Variants in BEND2 observed in about 807,000 individuals in gnomAD.
The protein encoded by BEND2 is BEN domain containing 2, also known as BEN domain-containing protein 2.
A neutral mutation model predicts 43.8 loss-of-function variants in BEND2; 19 were observed. The ratio of observed to expected loss-of-function variants is 0.43; its 90% confidence interval spans 0.30 to 0.64. BEND2 has a LOEUF of 0.64. Ranked by LOEUF, BEND2 falls within the 30% of genes least tolerant of loss-of-function variation. BEND2 has a pLI of 0.11. For missense variants in BEND2, 544 were observed against 574.0 expected, an observed-to-expected ratio of 0.95 and a Z score of 0.53; for synonymous variants, 226 against 210.1, an observed-to-expected ratio of 1.08 and a Z score of -0.66.
At chrX:18,178,509 T>A (rs1041187407) in intron 9 of BEND2, among the ~76,000 whole-genome samples, 1 of 112,185 alleles carries the variant, frequency 8.9e-6, no homozygotes, top group Non-Finnish European at 1.9e-5. Flanking sequence ...TTTTTCCTAT[T>A]TATTTTTTTA....
chrX:18,209,678 G>C (rs1218525786), intron 4 of BEND2, among the ~76,000 whole-genome samples: 2 of 111,040 alleles, frequency 1.8e-5, no homozygotes, highest in Non-Finnish European at 3.8e-5. Flanking sequence ...GTCATCAATA[G>C]TGTCAAAGTC....
In BEND2 at chrX:18,178,794, G is replaced by A. The variant is rs190045850; in HGVS notation, c.1430-1025C>T. Among the ~76,000 whole-genome samples, 91 of 111,214 alleles carry A rather than the reference G, an allele frequency of 8.2e-4. 1 individual carries two copies. In the East Asian group the frequency reaches 0.02, roughly 24 times the overall value. On this transcript the variant is annotated intron_variant, in intron 9 of 13. Coordinates refer to ENST00000380033, the MANE Select transcript of BEND2 (RefSeq NM_153346.5). The stretch of plus-strand genomic sequence containing the variant: ...ACTGAATAAACTAGTATTTAGGTTA[G>A]GAAAGTGGCTGAAGGTCATAAGGTT...
chrX:18,201,414 A>C (rs1378094155), intron 6 of BEND2, among the ~76,000 whole-genome samples: 6 of 96,124 alleles, frequency 6.2e-5, no homozygotes, highest in South Asian at 4.5e-4. Flanking sequence ...AAAAAAAAAA[A>C]AAACAAAAAA....
At chrX:18,204,022 G>A in intron 4 of BEND2, 107 bp from the exon 5 acceptor site, 1 of 765,177 alleles carries the variant, frequency 1.3e-6, no homozygotes, top group Non-Finnish European at 1.8e-6. Flanking sequence ...AAATCCAGAC[G>A]ACCTCTAAAA....
intron 8 of BEND2, among the ~76,000 whole-genome samples, chrX:18,185,784 G>T (rs1162555141): frequency 9.1e-6 from 1 of 110,260 alleles, no homozygotes; most frequent in Admixed American, 9.7e-5. Flanking sequence ...AGACTTTTCA[G>T]TGGAAATCTT....
Position 18,164,618 on chromosome X carries a change from A to C in BEND2, c.*391T>G, listed in dbSNP as rs1467063308. The stretch of plus-strand genomic sequence containing the variant: ...TCTTAAACTATCTCACAAGTCACAA[A>C]AATAAAAAGACTTGTCAAGTTTTAT... On this transcript the variant is annotated 3_prime_UTR_variant, in exon 14 of 14. Coordinates refer to ENST00000380033, the MANE Select transcript of BEND2 (RefSeq NM_153346.5). The C allele has an allele frequency of 1.6e-5, 2 of 121,832 alleles. No individual in the cohort carries two copies. Among genetic ancestry groups the C allele is most frequent in the African/African-American group, 6.4e-5 (2 of 31,234 alleles). 10.0% of individuals were successfully genotyped at this position (121,832 alleles called of 1,213,427 possible).
chrX:18,196,078 C>G (rs1328384457), intron 6 of BEND2, among the ~76,000 whole-genome samples: 3 of 111,064 alleles, frequency 2.7e-5, no homozygotes, highest in Non-Finnish European at 5.7e-5. Context: ...GTGGGCGGAT[C>G]CCCTGAGGTC....
rs1923757236 is a variant in BEND2, at chrX:18,163,988, T to A, written c.*1021A>T. On this transcript the variant is annotated 3_prime_UTR_variant, in exon 14 of 14. Coordinates refer to ENST00000380033, the MANE Select transcript of BEND2 (RefSeq NM_153346.5). ...AAGCCTTTTTGCCCTTTATGGAAGA[T>A]TTTTTTTTATGCAAGATTTTTTTAA... is the stretch of plus-strand genomic sequence containing the variant. 1 of 110,643 alleles carries A rather than the reference T, an allele frequency of 9.0e-6. No individual in the cohort carries two copies. Among genetic ancestry groups the A allele is most frequent in the Non-Finnish European group, 1.9e-5 (1 of 52,741 alleles). The allele number at this position is 110,643 out of a possible 1,213,427, so 9.1% of individuals were successfully genotyped here.
intron 4 of BEND2, among the ~76,000 whole-genome samples, chrX:18,211,863 T>TTAA (rs1925514199): frequency 9.1e-6 from 1 of 109,892 alleles, no homozygotes; most frequent in South Asian, 3.9e-4. Context: ...GAATGAAATA[T>TTAA]TAATACTATG....
At chrX:18,181,416 A>C (rs1364286217) in intron 8 of BEND2, among the ~76,000 whole-genome samples, 1 of 111,226 alleles carries the variant, frequency 9.0e-6, no homozygotes, top group Non-Finnish European at 1.9e-5. Flanking sequence ...AAACAATCCA[A>C]GTGTCCTTCA....
At chrX:18,191,190 G>T in intron 7 of BEND2, 82 bp from the exon 8 acceptor site, 1 of 712,743 alleles carries the variant, frequency 1.4e-6, no homozygotes, top group Non-Finnish European at 2.1e-6. Flanking sequence ...TTTAGATCAG[G>T]TGAAACTATC....
intron 3 of BEND2, 34 bp from the exon 4 acceptor site, chrX:18,212,714 C>T (rs753919164): frequency 1.3e-5 from 12 of 929,330 alleles, no homozygotes; most frequent in Non-Finnish European, 1.9e-5. Context: ...TTATTTCATA[C>T]ACTACTCTCT....
At chrX:18,219,756 A>G (rs1352624454) in intron 1 of BEND2, among the ~76,000 whole-genome samples, 1 of 110,925 alleles carries the variant, frequency 9.0e-6, no homozygotes, top group Non-Finnish European at 1.9e-5. Flanking sequence ...AAATACAAAA[A>G]TTAGCCGGGC....
At chrX:18,189,462 G>T (rs1924685870) in intron 8 of BEND2, among the ~76,000 whole-genome samples, 1 of 111,318 alleles carries the variant, frequency 9.0e-6, no homozygotes, top group Non-Finnish European at 1.9e-5. Context: ...AGTGAGCCAT[G>T]ATCATGCCAC....
chrX:18,212,441 T>A (rs192708458), intron 4 of BEND2, 124 bp downstream of exon 4: 2 of 493,196 alleles, frequency 4.1e-6, no homozygotes, highest in Admixed American at 7.2e-5. Flanking sequence ...TACACATTTA[T>A]CAAAACTCAC....
At chrX:18,177,212 C>T (rs188532488) in intron 10 of BEND2, among the ~76,000 whole-genome samples, 2,332 of 80,911 alleles carry the variant, frequency 0.029, 48 homozygotes, top group South Asian at 0.097. Flanking sequence ...GTCTTTTATT[C>T]CCCCCCGCCC....
intron 6 of BEND2, among the ~76,000 whole-genome samples, chrX:18,200,705 A>T (rs979040931): frequency 9.0e-6 from 1 of 110,963 alleles, no homozygotes; most frequent in African/African-American, 3.3e-5. Context: ...GGTGTTAGGG[A>T]TGGGGCAGGT....
At chrX:18,189,724 T>C (rs1253774450) in intron 8 of BEND2, among the ~76,000 whole-genome samples, 1 of 111,225 alleles carries the variant, frequency 9.0e-6, no homozygotes, top group Non-Finnish European at 1.9e-5. Flanking sequence ...AGATAGAAAA[T>C]TAGCACATGA....
At chrX:18,220,599 G>A (rs1260320305) in intron 1 of BEND2, 127 bp downstream of exon 1, 16 of 989,411 alleles carry the variant, frequency 1.6e-5, no homozygotes, top group Admixed American at 4.7e-5. Context: ...GCCGCCCCCC[G>A]ACACGCCCCG....
Sources: gnomAD v4.1 joint callset for allele counts (sites outside exome capture counted in the v4.1 genomes callset) on GRCh38, gnomAD v4.1.1 for gene constraint, MANE v1.5 for transcripts, NCBI Gene and HGNC (gene_info 2026-07-23, HGNC 2026-07-21) for gene names.